Variants in AFF3 observed in about 807,000 individuals in gnomAD.
AFF3 encodes AF4/FMR2 family member 3.
AFF3 carries 32 observed loss-of-function variants against 129.7 expected under a neutral mutation model. That is an observed-to-expected ratio of 0.25 (90% CI 0.19 to 0.33). AFF3 has a LOEUF of 0.33. Ranked by LOEUF, AFF3 falls within the 10% of genes least tolerant of loss-of-function variation. AFF3 has a pLI of 1.00. For missense variants in AFF3, 1,373 were observed against 1,592.0 expected (o/e 0.86, Z 2.34); for synonymous variants, 644 against 635.4 (o/e 1.01, Z -0.20).
At chr2:99,740,587 GT>G (rs1436256993) in intron 10 of AFF3, among the ~76,000 whole-genome samples, 1 of 151,328 alleles carries the variant, frequency 6.6e-6, no homozygotes, top group Non-Finnish European at 1.5e-5. Flanking sequence ...TTTTTCATGT[GT>G]TTTTTGGCTG....
At chr2:99,818,313 G>C (rs1467620468) in intron 8 of AFF3, among the ~76,000 whole-genome samples, 2 of 152,176 alleles carry the variant, frequency 1.3e-5, no homozygotes, top group African/African-American at 4.8e-5. Context: ...AGTACTTATT[G>C]AGACTATTAG....
At chr2:100,050,961 C>A (rs1686278340) in intron 4 of AFF3, among the ~76,000 whole-genome samples, 1 of 152,234 alleles carries the variant, frequency 6.6e-6, no homozygotes, top group African/African-American at 2.4e-5. Context: ...TTCCCTGTCT[C>A]CCATCCTCTC....
At chr2:99,707,135 G>A (rs1182436257) in intron 11 of AFF3, 10 of 985,230 alleles carry the variant, frequency 1.0e-5, no homozygotes, top group Non-Finnish European at 1.2e-5. Context: ...TTGTGGCTTA[G>A]CAAGTCAAAA....
chr2:99,889,396 T>A (rs2106068463), intron 7 of AFF3, among the ~76,000 whole-genome samples: 1 of 152,312 alleles, frequency 6.6e-6, no homozygotes, highest in East Asian at 1.9e-4. Context: ...CCATTTGAAA[T>A]ATATTTATTA....
chr2:99,942,187 C>G (rs1675114487), intron 7 of AFF3, among the ~76,000 whole-genome samples: 1 of 152,146 alleles, frequency 6.6e-6, no homozygotes, highest in Non-Finnish European at 1.5e-5. Context: ...CTCACGCCCT[C>G]AAGCAAATGA....
chr2:99,875,482 T>A (rs929125323), intron 7 of AFF3, among the ~76,000 whole-genome samples: 4 of 152,190 alleles, frequency 2.6e-5, no homozygotes, highest in African/African-American at 9.7e-5. Flanking sequence ...CTCCAACGGA[T>A]TATTCTCCAT....
At chr2:100,114,777 A>G (rs529415380) in intron 2 of AFF3, among the ~76,000 whole-genome samples, 51 of 152,358 alleles carry the variant, frequency 3.3e-4, no homozygotes, top group African/African-American at 1.2e-3. Context: ...TAGATGAGCA[A>G]CACATTGAGA....
chr2:100,007,111 G>C, intron 6 of AFF3, 37 bp downstream of exon 6: 1 of 1,604,714 alleles, frequency 6.2e-7, no homozygotes, highest in East Asian at 2.2e-5. Context: ...GGTTTTAGCA[G>C]ATTTGTGCAA....
intron 4 of AFF3, among the ~76,000 whole-genome samples, chr2:100,046,994 C>T (rs1685889053): frequency 2.0e-5 from 3 of 151,928 alleles, no homozygotes; most frequent in African/African-American, 7.2e-5. Context: ...GAAATAATGA[C>T]TTTAAGAGTA....
At chr2:99,642,183 T>A (rs1337230027) in intron 13 of AFF3, among the ~76,000 whole-genome samples, 2 of 152,156 alleles carry the variant, frequency 1.3e-5, no homozygotes, top group African/African-American at 4.8e-5. Context: ...TCTGGCCCAA[T>A]CCCCACTCGC....
At chr2:99,787,039 T>C (rs1012008191) in intron 8 of AFF3, among the ~76,000 whole-genome samples, 1 of 152,246 alleles carries the variant, frequency 6.6e-6, no homozygotes, top group Middle Eastern at 3.4e-3. Context: ...ATGATGGATT[T>C]AATAGTATTA....
At chr2:99,990,789 G>C (rs750304419) in intron 7 of AFF3, among the ~76,000 whole-genome samples, 11 of 152,200 alleles carry the variant, frequency 7.2e-5, no homozygotes, top group Non-Finnish European at 1.5e-4. Flanking sequence ...TCAACAAGGT[G>C]TGGATATGGT....
intron 8 of AFF3, among the ~76,000 whole-genome samples, chr2:99,820,007 A>C (rs551683263): frequency 3.7e-4 from 57 of 152,334 alleles, no homozygotes; most frequent in African/African-American, 1.3e-3. Context: ...GGATGCAAAA[A>C]GAATCCAACA....
intron 4 of AFF3, among the ~76,000 whole-genome samples, chr2:100,059,568 T>C (rs1003860020): frequency 2.0e-5 from 3 of 152,204 alleles, no homozygotes; most frequent in Admixed American, 1.3e-4. Flanking sequence ...TCTGTAAATA[T>C]ACTAAAGCCA....
At chr2:99,904,863 G>A (rs1311503218) in intron 7 of AFF3, among the ~76,000 whole-genome samples, 5 of 152,054 alleles carry the variant, frequency 3.3e-5, no homozygotes, top group African/African-American at 4.8e-5. Context: ...TAGGTCTAGA[G>A]TTCGAGCCGT....
At chr2:99,733,102 G>T (rs557137831) in intron 10 of AFF3, among the ~76,000 whole-genome samples, 2 of 151,876 alleles carry the variant, frequency 1.3e-5, no homozygotes, top group Admixed American at 6.6e-5. Flanking sequence ...AAACTTGGCC[G>T]GGCGCGGTAG....
At chr2:100,055,058 G>C (rs140597446) in intron 4 of AFF3, among the ~76,000 whole-genome samples, 192 of 152,224 alleles carry the variant, frequency 1.3e-3, no homozygotes, top group Middle Eastern at 3.4e-3. Context: ...GTTTTATCTC[G>C]TTTTGGGTTT....
At position 99,551,501 on chromosome 2, in the gene AFF3, C is replaced by G. The variant is rs779921842; in HGVS notation, c.3654G>C (p.Trp1218Cys). ...LVQYSQQGLHWLRNSAHLS is the reference protein window; with the variant it reads ...LVQYSQQGLHCLRNSAHLS ...ATGACAGGTGGGCGCTGTTCCGCAG[C>G]CAGTGCAGGCCCTGTTGGGAGTACT... is the stretch of plus-strand genomic sequence containing the variant. The change falls in exon 25 of 25, where the codon TGG (tryptophan) becomes TGC (cysteine). Residue 1218 changes from tryptophan to cysteine, a missense_variant. Trp to Cys is a radical substitution (Grantham distance 215). This residue lies in a region of AFF3 where 165 missense variants were observed against 234.0 expected (regional missense o/e 0.71). Coordinates refer to ENST00000672756, the MANE Select transcript of AFF3 (RefSeq NM_001386135.1). 1 of 1,614,104 alleles carries G rather than the reference C, an allele frequency of 6.2e-7. No homozygotes were observed. The highest frequency in any genetic ancestry group is 1.3e-5 in the African/African-American group (1 of 75,034).
At chr2:99,753,347 A>T (rs548333817) in intron 8 of AFF3, among the ~76,000 whole-genome samples, 1 of 152,106 alleles carries the variant, frequency 6.6e-6, no homozygotes, top group African/African-American at 2.4e-5. Context: ...TGACCCGCCC[A>T]CCTTGGGCTC....
Sources: allele counts gnomAD v4.1 joint callset (sites outside exome capture counted in the v4.1 genomes callset), GRCh38; gene constraint gnomAD v4.1.1; regional missense constraint gnomAD v4.1.1; transcripts MANE v1.5; gene names NCBI Gene and HGNC (gene_info 2026-07-23, HGNC 2026-07-21).